The following UBE3A variants were observed in gnomAD, a reference collection of about 807,000 sequenced individuals.
The protein encoded by UBE3A is ubiquitin protein ligase E3A.
In UBE3A, 6 loss-of-function variants were observed where a neutral mutation model predicts 83.4. That is an observed-to-expected ratio of 0.07 (90% CI 0.04 to 0.14). UBE3A has a LOEUF of 0.14. Among genes scored for constraint, UBE3A ranks in the 10% least tolerant of loss-of-function variants. The probability of loss-of-function intolerance (pLI) is 1.00; values close to 1 mark genes in which losing one functional copy is unlikely to be tolerated. For synonymous variants in UBE3A, 337 were observed against 355.4 expected, an observed-to-expected ratio of 0.95 and a Z score of 0.58; for missense variants, 456 against 1,036.1, an observed-to-expected ratio of 0.44 and a Z score of 7.69.
At chr15:25,342,269 C>T (rs948031101) in intron 11 of UBE3A, among the ~76,000 whole-genome samples, 8 of 152,204 alleles carry the variant, frequency 5.3e-5, no homozygotes, top group African/African-American at 1.9e-4. Flanking sequence ...TGAAGCTTAA[C>T]TGAACCAGCT....
chr15:25,438,288 GACAGTT>G (rs1224631989), intron 1 of UBE3A, 195 bp downstream of exon 1: 2 of 152,386 alleles, frequency 1.3e-5, no homozygotes, highest in Non-Finnish European at 2.9e-5. Flanking sequence ...AGCCAGGACT[GACAGTT>G]ACGGCTGCAG....
In UBE3A at chr15:25,384,326, T is replaced by C. The variant is rs2082706269; in HGVS notation, c.63-8563A>G. The stretch of plus-strand genomic sequence containing the variant: ...TACAAAATAAATTAGCTGGGCTTGG[T>C]GGCGCGCGCCTGTAATCCCAGCCAC... On this transcript the variant is annotated intron_variant, in intron 4 of 12. Transcript: ENST00000648336. 3.3e-5 allele frequency among the ~76,000 whole-genome samples: 5 copies of C among 151,840 alleles called. No individual in the cohort carries two copies. The South Asian group carries it at 1.0e-3, about 32-fold the overall frequency.
At chr15:25,365,533 G>T (rs990396027) in intron 6 of UBE3A, among the ~76,000 whole-genome samples, 2 of 151,696 alleles carry the variant, frequency 1.3e-5, no homozygotes, top group East Asian at 3.9e-4. Flanking sequence ...CGGATCACGA[G>T]GTCAGGAGAT....
At chr15:25,376,500 A>G (rs1566979318) in intron 4 of UBE3A, among the ~76,000 whole-genome samples, 1 of 152,066 alleles carries the variant, frequency 6.6e-6, no homozygotes, top group Non-Finnish European at 1.5e-5. Context: ...TTTAAAAAAA[A>G]TTAGCCAAGT....
intron 12 of UBE3A, 79 bp downstream of exon 12, chr15:25,340,006 A>C (rs2074471337): frequency 6.4e-7 from 1 of 1,564,374 alleles, no homozygotes; most frequent in Non-Finnish European, 8.8e-7. Flanking sequence ...CTCAGAAACT[A>C]TAAAGACAGT....
At chr15:25,405,710 T>G in intron 3 of UBE3A, 1 of 584,490 alleles carries the variant, frequency 1.7e-6, no homozygotes, top group Non-Finnish European at 3.0e-6. Context: ...ATTAAAAAAC[T>G]CAATGCATGT....
intron 4 of UBE3A, among the ~76,000 whole-genome samples, chr15:25,396,069 G>A (rs542428721): frequency 6.6e-6 from 1 of 151,894 alleles, no homozygotes; most frequent in Admixed American, 6.5e-5. Context: ...AGGCATGGTG[G>A]CACATGCCTG....
chr15:25,392,451 T>A (rs568259514), intron 4 of UBE3A, among the ~76,000 whole-genome samples: 1 of 152,292 alleles, frequency 6.6e-6, no homozygotes, highest in African/African-American at 2.4e-5. Flanking sequence ...TTGGACAGTT[T>A]CATCTTTCAA....
At chr15:25,348,172 A>T (rs989988844) in intron 11 of UBE3A, among the ~76,000 whole-genome samples, 1 of 152,196 alleles carries the variant, frequency 6.6e-6, no homozygotes, top group Non-Finnish European at 1.5e-5. Flanking sequence ...GAACCAAATG[A>T]TAGAGCCTCA....
At chr15:25,422,995 T>C (rs1349310791) in intron 1 of UBE3A, among the ~76,000 whole-genome samples, 2 of 151,828 alleles carry the variant, frequency 1.3e-5, no homozygotes, top group African/African-American at 4.8e-5. Flanking sequence ...CTCTAAAAAG[T>C]TTTTGTAATA....
At chr15:25,380,775 T>C (rs1353045639) in intron 4 of UBE3A, among the ~76,000 whole-genome samples, 1 of 152,246 alleles carries the variant, frequency 6.6e-6, no homozygotes, top group Non-Finnish European at 1.5e-5. Context: ...CAAAGTATGT[T>C]ATAATGTGTT....
At chr15:25,384,752 G>T (rs1448096096) in intron 4 of UBE3A, among the ~76,000 whole-genome samples, 1 of 152,066 alleles carries the variant, frequency 6.6e-6, no homozygotes, top group African/African-American at 2.4e-5. Context: ...CACATTCCCT[G>T]ATTTCTAAAG....
intron 4 of UBE3A, among the ~76,000 whole-genome samples, chr15:25,395,082 C>G (rs796214122): frequency 6.6e-6 from 1 of 152,026 alleles, no homozygotes; most frequent in African/African-American, 2.4e-5. Flanking sequence ...AGGAAGGAAG[C>G]CACATGGATT....
At chr15:25,411,004 CTAAT>C (rs1273247320) in intron 2 of UBE3A, among the ~76,000 whole-genome samples, 3 of 152,164 alleles carry the variant, frequency 2.0e-5, no homozygotes, top group Non-Finnish European at 2.9e-5. Context: ...TTTTAATTGA[CTAAT>C]TGACCTCAAT....
intron 4 of UBE3A, among the ~76,000 whole-genome samples, chr15:25,397,913 A>G: frequency 6.6e-6 from 1 of 152,110 alleles, no homozygotes; most frequent in Non-Finnish European, 1.5e-5. Flanking sequence ...TCCTCATTTC[A>G]GCAAATCACT....
chr15:25,407,329 G>A, intron 3 of UBE3A: 4 of 976,716 alleles, frequency 4.1e-6, no homozygotes, highest in South Asian at 3.2e-5. Context: ...AAATTAACAG[G>A]GAAAGAGAAG....
chr15:25,360,023 T>C (rs922758221), intron 7 of UBE3A, among the ~76,000 whole-genome samples: 8 of 152,206 alleles, frequency 5.3e-5, no homozygotes, highest in African/African-American at 1.9e-4. Flanking sequence ...ACCATTGTTC[T>C]TTGAAGTTCA....
chr15:25,413,468 ACTGT>A (rs1208110157), intron 1 of UBE3A, among the ~76,000 whole-genome samples: 4 of 152,118 alleles, frequency 2.6e-5, no homozygotes, highest in Non-Finnish European at 4.4e-5. Context: ...ACTTATTAAA[ACTGT>A]CTAAGTTTTG....
At chr15:25,400,290 T>C (rs146129250) in intron 4 of UBE3A, among the ~76,000 whole-genome samples, 2 of 152,310 alleles carry the variant, frequency 1.3e-5, no homozygotes, top group African/African-American at 4.8e-5. Flanking sequence ...CTCCTGTAGA[T>C]ACCAAAATCC....
Sources: gnomAD v4.1 joint callset for allele counts (sites outside exome capture counted in the v4.1 genomes callset) on GRCh38, gnomAD v4.1.1 for gene constraint, MANE v1.5 for transcripts, NCBI Gene and HGNC (gene_info 2026-07-23, HGNC 2026-07-21) for gene names.